DLGAP1: variants seen among roughly 807,000 people sequenced by gnomAD.
DLGAP1 encodes disks large-associated protein 1.
In DLGAP1, 11 loss-of-function variants were observed where a neutral mutation model predicts 90.8. The observed-to-expected ratio is 0.12, with a 90% CI of 0.08 to 0.20. The LOEUF is 0.20. Ranked by LOEUF, DLGAP1 falls within the 10% of genes least tolerant of loss-of-function variation. The pLI is 1.00. For missense variants in DLGAP1, 1,050 were observed against 1,333.8 expected, an observed-to-expected ratio of 0.79 and a Z score of 3.31; for synonymous variants, 558 against 540.7, an observed-to-expected ratio of 1.03 and a Z score of -0.44.
rs370909716 is a variant in DLGAP1, at chr18:4,077,576, C to T, written c.-158-72375G>A. 5.9e-5 allele frequency among the ~76,000 whole-genome samples: 9 copies of T among 152,054 alleles called. No individual in the cohort carries two copies. The East Asian group carries it at 9.7e-4, about 16-fold the overall frequency. On this transcript the variant is annotated intron_variant, in intron 2 of 12. Coordinates refer to ENST00000315677, the MANE Select transcript of DLGAP1 (RefSeq NM_004746.4). The stretch of plus-strand genomic sequence containing the variant: ...TTGATTGTTAAAAGATCCTCCTGCC[C>T]GCCTGACCCACCCTGCTTCCTCTCT...
intron 7 of DLGAP1, among the ~76,000 whole-genome samples, chr18:3,667,533 G>T (rs189083422): frequency 3.2e-4 from 49 of 152,296 alleles, no homozygotes; most frequent in Admixed American, 8.5e-4. Flanking sequence ...GACTAGGGAA[G>T]ATTAAAAAAC....
At chr18:3,888,303 T>C (rs546466408) in intron 3 of DLGAP1, among the ~76,000 whole-genome samples, 3 of 152,062 alleles carry the variant, frequency 2.0e-5, no homozygotes, top group Non-Finnish European at 4.4e-5. Flanking sequence ...ATGCGTTGTG[T>C]GCTTAAAATT....
At chr18:3,830,653 C>T (rs1454243556) in intron 4 of DLGAP1, among the ~76,000 whole-genome samples, 6 of 152,116 alleles carry the variant, frequency 3.9e-5, no homozygotes, top group African/African-American at 1.2e-4. Context: ...CCATAATGCC[C>T]GGCCTTGATA....
At chr18:3,848,302 G>A (rs1337862413) in intron 4 of DLGAP1, among the ~76,000 whole-genome samples, 1 of 151,974 alleles carries the variant, frequency 6.6e-6, no homozygotes, top group African/African-American at 2.4e-5. Flanking sequence ...GGAGCAGTAG[G>A]GAGGAGGGAG....
intron 1 of DLGAP1, among the ~76,000 whole-genome samples, chr18:4,169,730 T>C (rs2076992563): frequency 6.6e-6 from 1 of 152,262 alleles, no homozygotes; most frequent in Non-Finnish European, 1.5e-5. Context: ...GTATAAATTA[T>C]GCCACACGTG....
chr18:4,302,035 A>G (rs2080138437), intron 1 of DLGAP1, among the ~76,000 whole-genome samples: 1 of 152,164 alleles, frequency 6.6e-6, no homozygotes, highest in South Asian at 2.1e-4. Context: ...TATATTGGAT[A>G]TTAACCACTT....
chr18:3,780,987 T>A (rs903843898), intron 5 of DLGAP1, among the ~76,000 whole-genome samples: 6 of 152,076 alleles, frequency 3.9e-5, no homozygotes, highest in Non-Finnish European at 5.9e-5. Flanking sequence ...TTAAAAAAAA[T>A]TTTTAAAAAC....
intron 5 of DLGAP1, among the ~76,000 whole-genome samples, chr18:3,798,101 T>C (rs1028885702): frequency 3.3e-5 from 5 of 152,254 alleles, no homozygotes; most frequent in Non-Finnish European, 7.3e-5. Flanking sequence ...TGGGTGTGTC[T>C]TTATTAGCAG....
At chr18:3,802,921 G>A (rs371775973) in intron 5 of DLGAP1, among the ~76,000 whole-genome samples, 49 of 152,196 alleles carry the variant, frequency 3.2e-4, no homozygotes, top group African/African-American at 1.2e-3. Flanking sequence ...TAAAAGGGTT[G>A]GAATCATCTT....
chr18:4,421,289 C>T (rs746824184), intron 1 of DLGAP1, among the ~76,000 whole-genome samples: 15 of 152,094 alleles, frequency 9.9e-5, no homozygotes, highest in Non-Finnish European at 1.8e-4. Flanking sequence ...ACTTCACCTT[C>T]TCCTCTATGC....
At chr18:3,814,927 A>G (rs1167499053) in intron 4 of DLGAP1, among the ~76,000 whole-genome samples, 1 of 152,190 alleles carries the variant, frequency 6.6e-6, no homozygotes, top group East Asian at 1.9e-4. Flanking sequence ...ACAATATTTT[A>G]TTGTAATAGG....
chr18:3,991,198 T>G (rs1248766879), intron 3 of DLGAP1, among the ~76,000 whole-genome samples: 3 of 152,114 alleles, frequency 2.0e-5, no homozygotes, highest in Admixed American at 6.5e-5. Context: ...ACAAAAGACC[T>G]CATTTCCTGT....
At chr18:3,897,388 G>A (rs1002273509) in intron 3 of DLGAP1, among the ~76,000 whole-genome samples, 2 of 152,158 alleles carry the variant, frequency 1.3e-5, no homozygotes, top group African/African-American at 2.4e-5. Flanking sequence ...TAGTAAAAGA[G>A]CTAACATTCA....
At chr18:3,898,666 T>G (rs2071713873) in intron 3 of DLGAP1, among the ~76,000 whole-genome samples, 1 of 152,240 alleles carries the variant, frequency 6.6e-6, no homozygotes, top group Non-Finnish European at 1.5e-5. Context: ...AATCTGTTGC[T>G]TTGCTATCAC....
chr18:3,938,221 T>C (rs2072685244), intron 3 of DLGAP1, among the ~76,000 whole-genome samples: 2 of 152,202 alleles, frequency 1.3e-5, no homozygotes, highest in African/African-American at 2.4e-5. Context: ...CCTGTCCTTT[T>C]GAAGCTTTCA....
chr18:3,571,770 C>T (rs1386466782), intron 8 of DLGAP1, among the ~76,000 whole-genome samples: 1 of 152,202 alleles, frequency 6.6e-6, no homozygotes, highest in African/African-American at 2.4e-5. Flanking sequence ...TCGTGATCCG[C>T]CCGCCTCGGC....
At chr18:4,432,357 G>A (rs942977606) in intron 1 of DLGAP1, among the ~76,000 whole-genome samples, 1 of 151,984 alleles carries the variant, frequency 6.6e-6, no homozygotes, top group South Asian at 2.1e-4. Flanking sequence ...GCATCATCCA[G>A]TTATTTTATT....
intron 1 of DLGAP1, among the ~76,000 whole-genome samples, chr18:4,234,161 G>A (rs1360443526): frequency 1.3e-5 from 2 of 149,768 alleles, no homozygotes; most frequent in African/African-American, 2.5e-5. Context: ...AACTATAATG[G>A]TCCCTAATGA....
intron 7 of DLGAP1, among the ~76,000 whole-genome samples, chr18:3,623,530 G>A (rs533741600): frequency 6.6e-6 from 1 of 152,256 alleles, no homozygotes; most frequent in East Asian, 1.9e-4. Context: ...GCTCACGCCT[G>A]TAATCCCAGC....
Sources: allele counts gnomAD v4.1 joint callset (sites outside exome capture counted in the v4.1 genomes callset), GRCh38; gene constraint gnomAD v4.1.1; transcripts MANE v1.5; gene names NCBI Gene and HGNC (gene_info 2026-07-23, HGNC 2026-07-21).